ACOT7: variants seen among roughly 807,000 people sequenced by gnomAD.
ACOT7 encodes cytosolic acyl coenzyme A thioester hydrolase.
ACOT7 carries 12 observed loss-of-function variants against 40.2 expected under a neutral mutation model. The observed-to-expected ratio is 0.30, with a 90% CI of 0.19 to 0.48. The LOEUF is 0.48. ACOT7 is among the 20% of genes least tolerant of loss of function. The pLI, the probability that ACOT7 is intolerant of heterozygous loss-of-function variation, is 0.99. For missense variants in ACOT7, 395 were observed against 530.8 expected (o/e 0.74, Z 2.51); for synonymous variants, 228 against 219.5 (o/e 1.04, Z -0.34).
intron 1 of ACOT7, among the ~76,000 whole-genome samples, chr1:6,350,840 G>A (rs978320243): frequency 2.6e-5 from 4 of 152,220 alleles, no homozygotes; most frequent in Non-Finnish European, 5.9e-5. Context: ...CTCCAAGAGC[G>A]TTCCTGGCTC....
At chr1:6,335,281 G>A (rs1240502631) in intron 3 of ACOT7, among the ~76,000 whole-genome samples, 1 of 145,120 alleles carries the variant, frequency 6.9e-6, no homozygotes, top group Non-Finnish European at 1.5e-5. Context: ...GAGCCGAGAT[G>A]GCGCCATTGC....
rs1639987086 is a variant in ACOT7 at position 6,301,999 on chromosome 1, G to A, written c.713-7019C>T. Among the ~76,000 whole-genome samples the A allele has an allele frequency of 1.3e-5, 2 of 152,246 alleles. No individual in the cohort carries two copies. The highest frequency in any genetic ancestry group is 2.4e-5 in the African/African-American group (1 of 41,464). ...CTAACGATGGAAAAGGCCAAGACTG[G>A]TGGATGGAGTCAGTGCTATTCTGGG... On this transcript the variant is annotated intron_variant, in intron 6 of 8. Transcript: ENST00000361521. This position sits in a 1 kb window ranked among gnomAD's most constrained non-coding sequence, Gnocchi z 4.1.
intron 1 of ACOT7, among the ~76,000 whole-genome samples, chr1:6,360,257 C>T (rs1476265626): frequency 6.6e-6 from 1 of 152,262 alleles, no homozygotes; most frequent in Non-Finnish European, 1.5e-5. Flanking sequence ...AGGGATCCCA[C>T]CGACCCAAAA....
intron 1 of ACOT7, among the ~76,000 whole-genome samples, chr1:6,382,408 A>G (rs1324136380): frequency 4.6e-5 from 7 of 152,006 alleles, no homozygotes; most frequent in East Asian, 1.9e-4. Flanking sequence ...TGTCTCAAAA[A>G]CAAAAAACAA....
At position 6,333,510 on chromosome 1, in the gene ACOT7, A is replaced by G. The variant is rs1490992245; in HGVS notation, c.477T>C (p.Asn159=). The stretch of plus-strand genomic sequence containing the variant: ...GAGGCACCTCGAGGACCTTGTCCAC[A>G]TTCTTCAGCGACAGGGGCACATACC... ...TLWYVPLSLK[N]VDKVLEVPPV... is the part of the protein sequence containing the mutation. Residue 159 remains asparagine, a synonymous_variant, in exon 4 of 9, where the codon AAT becomes AAC. Coordinates refer to ENST00000361521, the MANE Select transcript of ACOT7 (RefSeq NM_007274.4). 1.9e-6 allele frequency: 3 copies of G among 1,614,252 alleles called. No homozygotes were observed. Among genetic ancestry groups the G allele is most frequent in the South Asian group, 2.2e-5 (2 of 91,080 alleles).
At chr1:6,389,924 T>C (rs533138889) in intron 1 of ACOT7, among the ~76,000 whole-genome samples, 1 of 152,322 alleles carries the variant, frequency 6.6e-6, no homozygotes, top group African/African-American at 2.4e-5. Context: ...GGCCACATTT[T>C]CCACACGTTT....
chr1:6,333,846 C>T (rs560718305), intron 3 of ACOT7, among the ~76,000 whole-genome samples: 114 of 152,248 alleles, frequency 7.5e-4, no homozygotes, highest in African/African-American at 2.7e-3. Flanking sequence ...ACCCCCATCA[C>T]AAGGCATGCC....
chr1:6,375,623 G>A (rs1642214149), intron 1 of ACOT7, among the ~76,000 whole-genome samples: 1 of 151,608 alleles, frequency 6.6e-6, no homozygotes, highest in South Asian at 2.1e-4. Flanking sequence ...GGGCAACATA[G>A]GGAGACCCTG....
chr1:6,384,694 A>T (rs1385676941), intron 1 of ACOT7, among the ~76,000 whole-genome samples: 1 of 151,734 alleles, frequency 6.6e-6, no homozygotes, highest in Non-Finnish European at 1.5e-5. Context: ...TCTGGAGACC[A>T]GCTCCCATCC....
intron 6 of ACOT7, among the ~76,000 whole-genome samples, chr1:6,305,243 G>A (rs1189161845): frequency 4.2e-5 from 6 of 144,194 alleles, no homozygotes; most frequent in African/African-American, 1.6e-4. Context: ...CGGGCCGGGC[G>A]GGGGGCTGAC....
chr1:6,379,714 G>A (rs12408931), intron 1 of ACOT7, among the ~76,000 whole-genome samples: 17,956 of 151,388 alleles, frequency 0.12, 1,581 homozygotes, highest in African/African-American at 0.23. Flanking sequence ...TTCCCACTTC[G>A]ACCTCCCAAA....
chr1:6,273,103 G>A (rs760437897), intron 8 of ACOT7, among the ~76,000 whole-genome samples: 7 of 152,214 alleles, frequency 4.6e-5, no homozygotes, highest in African/African-American at 9.6e-5. Flanking sequence ...CCCCGCAGCC[G>A]GTTAGGCCAC....
chr1:6,344,185 A>G (rs1408633900), intron 2 of ACOT7, among the ~76,000 whole-genome samples: 2 of 152,212 alleles, frequency 1.3e-5, no homozygotes, highest in African/African-American at 4.8e-5. Flanking sequence ...ACAAAGGTCC[A>G]AAGAGGCAGG....
rs747897842 is a variant in ACOT7, at chr1:6,385,510, C to T, written c.143+7747G>A. Reference sequence around the variant, plus strand: ...TCATCCTACCTTCCAGTAATGCAGGCTCCACAGGGTGGGAGATCAGCCCTG... The same window carrying T: ...TCATCCTACCTTCCAGTAATGCAGGTTCCACAGGGTGGGAGATCAGCCCTG... On this transcript the variant is annotated intron_variant, in intron 1 of 8. Transcript: ENST00000361521. 6 of 1,610,866 alleles carry T rather than the reference C, an allele frequency of 3.7e-6. No homozygotes were observed. The Admixed American group carries it at 8.4e-5, about 22-fold the overall frequency.
chr1:6,328,563 T>C (rs960157911), intron 4 of ACOT7, among the ~76,000 whole-genome samples: 1 of 152,084 alleles, frequency 6.6e-6, no homozygotes, highest in Non-Finnish European at 1.5e-5. Context: ...GCACCTGTAG[T>C]CTTAGCCACT....
intron 1 of ACOT7, among the ~76,000 whole-genome samples, chr1:6,366,482 A>G (rs1238289167): frequency 6.6e-6 from 1 of 151,780 alleles, no homozygotes; most frequent in Non-Finnish European, 1.5e-5. Flanking sequence ...GTTACTTGAG[A>G]GGCTAAGGGT....
chr1:6,269,552 G>A (rs533026822), intron 8 of ACOT7, among the ~76,000 whole-genome samples: 13 of 152,382 alleles, frequency 8.5e-5, no homozygotes, highest in South Asian at 2.1e-4. Flanking sequence ...AGCCTGAGGC[G>A]GGCACGAGCC....
At chr1:6,273,894 T>A (rs1012907142) in intron 8 of ACOT7, among the ~76,000 whole-genome samples, 9 of 152,194 alleles carry the variant, frequency 5.9e-5, no homozygotes, top group African/African-American at 1.9e-4. Flanking sequence ...GTGTCTAGGA[T>A]GTCGAGGCAG....
chr1:6,386,156 C>T (rs1642437756), intron 1 of ACOT7, among the ~76,000 whole-genome samples: 1 of 152,178 alleles, frequency 6.6e-6, no homozygotes, highest in South Asian at 2.1e-4. Context: ...GCGGGGAAGC[C>T]GAGGAAGGCC....
Sources: allele counts gnomAD v4.1 joint callset (sites outside exome capture counted in the v4.1 genomes callset), GRCh38; gene constraint gnomAD v4.1.1; non-coding constraint Gnocchi (gnomAD v3.1); transcripts MANE v1.5; gene names NCBI Gene and HGNC (gene_info 2026-07-23, HGNC 2026-07-21).